TACC1: variants seen among roughly 807,000 people sequenced by gnomAD.
TACC1 encodes the protein transforming acidic coiled-coil containing protein 1.
In TACC1, 48 loss-of-function variants were observed where a neutral mutation model predicts 84.4. The observed-to-expected ratio is 0.57, with a 90% CI of 0.45 to 0.72. TACC1 has a LOEUF of 0.72. TACC1 is among the 30% of genes least tolerant of loss of function. TACC1 has a pLI of 0.00. For synonymous variants in TACC1, 372 were observed against 376.3 expected, an observed-to-expected ratio of 0.99 and a Z score of 0.13; for missense variants, 920 against 973.0, an observed-to-expected ratio of 0.95 and a Z score of 0.72.
At chr8:38,844,363 A>G (rs928041346) in intron 11 of TACC1, among the ~76,000 whole-genome samples, 3 of 151,850 alleles carry the variant, frequency 2.0e-5, no homozygotes, top group Non-Finnish European at 4.4e-5. Context: ...TAGTAGAGAC[A>G]GGGTTTCACC....
At chr8:38,761,942 A>G (rs948022470) in intron 3 of TACC1, among the ~76,000 whole-genome samples, 1 of 152,228 alleles carries the variant, frequency 6.6e-6, no homozygotes, top group African/African-American at 2.4e-5. Flanking sequence ...GGCTGGCTCT[A>G]TCTCCCGTGA....
At chr8:38,799,484 G>A (rs536765599) in intron 2 of TACC1, among the ~76,000 whole-genome samples, 3 of 152,300 alleles carry the variant, frequency 2.0e-5, no homozygotes, top group Admixed American at 6.5e-5. Context: ...CCTCTTGGCC[G>A]CCTTGGCATC....
intron 1 of TACC1, among the ~76,000 whole-genome samples, chr8:38,737,050 G>A (rs28459722): frequency 0.014 from 2,169 of 152,312 alleles, 47 homozygotes; most frequent in African/African-American, 0.049. Flanking sequence ...TAGAGGTCAA[G>A]AATTGGGAGG....
intron 2 of TACC1, among the ~76,000 whole-genome samples, chr8:38,802,029 C>A (rs552554026): frequency 2.6e-4 from 40 of 152,306 alleles, no homozygotes; most frequent in African/African-American, 9.6e-4. Context: ...TCCTGCCCAG[C>A]CTCTCTAGTA....
rs533849120 is a variant in TACC1 at position 38,756,216 on chromosome 8, T to A, written c.26+10723T>A. Among the ~76,000 whole-genome samples the A allele has an allele frequency of 9.9e-4, 150 of 152,122 alleles. 5 individuals carry two copies. In the South Asian group the frequency reaches 0.03, roughly 30 times the overall value. On this transcript the variant is annotated intron_variant, in intron 3 of 14. Transcript: ENST00000518415. ...GGACAGCGATAACATGGGTGTAGGATGCCTGCATCCATCACCAATTGTGAG... is the reference window on the plus strand; with the variant it reads ...GGACAGCGATAACATGGGTGTAGGAAGCCTGCATCCATCACCAATTGTGAG...
chr8:38,732,805 GCTAT>G (rs1805219814), intron 1 of TACC1, among the ~76,000 whole-genome samples: 1 of 152,204 alleles, frequency 6.6e-6, no homozygotes, highest in African/African-American at 2.4e-5. Context: ...CTAATTTAGG[GCTAT>G]CTAATTTGGG....
At chr8:38,730,583 G>T (rs78602187) in intron 1 of TACC1, among the ~76,000 whole-genome samples, 15,413 of 152,294 alleles carry the variant, frequency 0.1, 998 homozygotes, top group South Asian at 0.14. Context: ...GGAGCGGAAA[G>T]GAAGAGCCAC....
intron 9 of TACC1, 61 bp from the exon 10 acceptor site, chr8:38,842,226 C>G: frequency 6.4e-7 from 1 of 1,556,440 alleles, no homozygotes; most frequent in South Asian, 1.2e-5. Flanking sequence ...CACTGCTTGT[C>G]TTCTAAGGAG....
intron 1 of TACC1, chr8:38,787,965 A>G (rs956425109): frequency 1.9e-6 from 1 of 514,966 alleles, no homozygotes; most frequent in Non-Finnish European, 3.4e-6. Context: ...TCCGCACCCA[A>G]CCCAGAATCT....
intron 1 of TACC1, among the ~76,000 whole-genome samples, chr8:38,730,805 C>T (rs900651591): frequency 9.2e-5 from 14 of 152,182 alleles, no homozygotes; most frequent in African/African-American, 2.7e-4. Context: ...GGGGCCAGGA[C>T]GGAATGTTCT....
At chr8:38,762,677 C>T (rs180701573) in intron 3 of TACC1, among the ~76,000 whole-genome samples, 2 of 152,168 alleles carry the variant, frequency 1.3e-5, no homozygotes, top group Admixed American at 1.3e-4. Context: ...CTGCCTCAGC[C>T]TCCCTAGTAG....
Position 38,734,570 on chromosome 8 carries a change from CAGAA to C in TACC1, c.-675+5900_-675+5903del, listed in dbSNP as rs1805595154. Among the ~76,000 whole-genome samples, 4 of 152,222 alleles carry C rather than the reference CAGAA, an allele frequency of 2.6e-5. 1 individual carries two copies. The highest frequency in any genetic ancestry group is 2.4e-5 in the African/African-American group (1 of 41,462). On this transcript the variant is annotated intron_variant, in intron 1 of 14. Transcript: ENST00000518415. The stretch of plus-strand genomic sequence containing the variant: ...AAGAGTTGCAAAAGCAGACACGATA[CAGAA>C]CAAAATGCCCCAAGGTAGCAGGGAG...
chr8:38,810,222 ATAT>A (rs1329058628), intron 2 of TACC1, among the ~76,000 whole-genome samples: 2 of 152,080 alleles, frequency 1.3e-5, no homozygotes, highest in African/African-American at 4.8e-5. Flanking sequence ...ATTATCAATA[ATAT>A]TACTCTTTTA....
chr8:38,748,886 G>GA (rs1050560486), intron 3 of TACC1, among the ~76,000 whole-genome samples: 3 of 149,614 alleles, frequency 2.0e-5, no homozygotes, highest in Non-Finnish European at 3.0e-5. Context: ...TTAAAAAATA[G>GA]AAAAAAAAGA....
chr8:38,753,119 A>T (rs1809342688), intron 3 of TACC1, among the ~76,000 whole-genome samples: 1 of 152,098 alleles, frequency 6.6e-6, no homozygotes, highest in Admixed American at 6.5e-5. Context: ...TGTTTTTTGG[A>T]GACAGACTAT....
At chr8:38,745,226 G>T (rs923300038) in exon 3 of TACC1, 4 of 412,120 alleles carry the variant, frequency 9.7e-6, no homozygotes, top group Non-Finnish European at 1.7e-5. Context: ...TAAAGACAAA[G>T]ATCTGCACTC....
chr8:38,790,944 T>C (rs1036526675), intron 2 of TACC1, among the ~76,000 whole-genome samples: 1 of 152,230 alleles, frequency 6.6e-6, no homozygotes, highest in Non-Finnish European at 1.5e-5. Context: ...CACTTATTCC[T>C]CATAGCTTCC....
rs1805597615 is a variant in TACC1, at chr8:38,734,575, CAAAA to C, written c.-675+5905_-675+5908del. Among the ~76,000 whole-genome samples the C allele has an allele frequency of 2.6e-5, 4 of 152,226 alleles. 1 individual carries two copies. Among genetic ancestry groups the C allele is most frequent in the African/African-American group, 2.4e-5 (1 of 41,466 alleles). ...TTGCAAAAGCAGACACGATACAGAACAAAATGCCCCAAGGTAGCAGGGAGGGCTT... is the reference window on the plus strand; with the variant it reads ...TTGCAAAAGCAGACACGATACAGAACTGCCCCAAGGTAGCAGGGAGGGCTT... On this transcript the variant is annotated intron_variant, in intron 1 of 14. Coordinates refer to the TACC1 transcript ENST00000518415.
rs551024173 is a variant in TACC1, at chr8:38,755,960, G to A, written c.26+10467G>A. Among the ~76,000 whole-genome samples the A allele has an allele frequency of 2.9e-3, 444 of 151,614 alleles. 2 individuals carry two copies. The highest frequency in any genetic ancestry group is 9.8e-3 in the African/African-American group (405 of 41,352). ...CTCCTAAGTAGCTGGGATTACAGGC[G>A]TGTGCCACCATGCCCGGCTAATTTT... On this transcript the variant is annotated intron_variant, in intron 3 of 14. Coordinates refer to the TACC1 transcript ENST00000518415.
Sources: allele counts gnomAD v4.1 joint callset (sites outside exome capture counted in the v4.1 genomes callset), GRCh38; gene constraint gnomAD v4.1.1; transcripts MANE v1.5; gene names NCBI Gene and HGNC (gene_info 2026-07-23, HGNC 2026-07-21).